The following ULK1 variants were observed in gnomAD, a reference collection of about 807,000 sequenced individuals.
The protein encoded by ULK1 is unc-51 like autophagy activating kinase 1.
In ULK1, 48 loss-of-function variants were observed where a neutral mutation model predicts 117.5. The ratio of observed to expected loss-of-function variants is 0.41; its 90% confidence interval spans 0.32 to 0.52. The LOEUF is 0.52. Among genes scored for constraint, ULK1 ranks in the 20% least tolerant of loss-of-function variants. ULK1 has a pLI of 0.29. For missense variants in ULK1, 1,387 were observed against 1,473.4 expected, an observed-to-expected ratio of 0.94 and a Z score of 0.96; for synonymous variants, 790 against 637.8, an observed-to-expected ratio of 1.24 and a Z score of -3.60.
intron 4 of ULK1, 125 bp downstream of exon 4, chr12:131,907,049 C>A: frequency 1.5e-6 from 2 of 1,314,656 alleles, no homozygotes; most frequent in South Asian, 1.2e-5. Flanking sequence ...GATGGAGTCT[C>A]ACTGTCGCCC....
At chr12:131,911,696 C>A (rs555309541) in intron 12 of ULK1, among the ~76,000 whole-genome samples, 1 of 152,198 alleles carries the variant, frequency 6.6e-6, no homozygotes, top group African/African-American at 2.4e-5. Flanking sequence ...TTCAACCCAC[C>A]CAGGCTGCAT....
chr12:131,918,694 G>A lies in ULK1; in HGVS notation c.2511+13G>A. ...GACCCTCATGGAGGTGAGGGCTGGA[G>A]TGAGCAAAGGTTCCCATTCTGGCTG... On this transcript the variant is annotated intron_variant, in intron 23 of 27. Coordinates refer to ENST00000321867, the MANE Select transcript of ULK1 (RefSeq NM_003565.4). 6.5e-7 allele frequency: 1 copy of A among 1,537,162 alleles called. No homozygotes were observed. Among genetic ancestry groups the A allele is most frequent in the Non-Finnish European group, 8.8e-7 (1 of 1,139,674 alleles).
At chr12:131,918,137 G>A (rs925118745) in intron 22 of ULK1, among the ~76,000 whole-genome samples, 2 of 152,192 alleles carry the variant, frequency 1.3e-5, no homozygotes, top group African/African-American at 4.8e-5. Context: ...CTTGGGCCCA[G>A]CTGTGGGGCA....
intron 7 of ULK1, 68 bp downstream of exon 7, chr12:131,909,039 G>A (rs1889403197): frequency 3.7e-6 from 6 of 1,610,884 alleles, no homozygotes; most frequent in Admixed American, 1.7e-5. Context: ...GTTGGCTGGC[G>A]TGTGGTGCGC....
In ULK1 at chr12:131,911,325, G is replaced by A. The variant is rs1386391153; in HGVS notation, c.948+525G>A. On this transcript the variant is annotated intron_variant, in intron 12 of 27. Transcript: ENST00000321867. The stretch of plus-strand genomic sequence containing the variant: ...TTCATGTCTGGGCTCTCCTGGCCTG[G>A]CCCCCTGCTCTGTGACCAGGGACCG... Among the ~76,000 whole-genome samples the A allele has an allele frequency of 6.8e-4, 104 of 152,160 alleles. 1 individual carries two copies. The highest frequency in any genetic ancestry group is 6.7e-3 in the Admixed American group (103 of 15,282).
rs757987346 is a variant in ULK1, at chr12:131,913,293, G to A, written c.1157+35G>A. On this transcript the variant is annotated intron_variant, in intron 14 of 27. Coordinates refer to ENST00000321867, the MANE Select transcript of ULK1 (RefSeq NM_003565.4). ...CATCCCTTACCTCTGTATTTTAGGG[G>A]AGAGAAACTGTGGCCTTGGAAGTGG... The A allele has an allele frequency of 6.0e-6, 9 of 1,507,100 alleles. No homozygotes were observed. The East Asian group carries it at 1.6e-4, about 26-fold the overall frequency. 93.4% of individuals were successfully genotyped at this position (1,507,100 alleles called of 1,614,324 possible).
chr12:131,907,506 T>C lies in ULK1; in HGVS notation c.291T>C (p.Gly97=). 2 of 1,612,462 alleles carry C rather than the reference T, an allele frequency of 1.2e-6. No homozygotes were observed. The highest frequency in any genetic ancestry group is 2.2e-5 in the East Asian group (1 of 44,840). ...CTGGTCTCTTGCAGTACTGCAACGG[T>C]GGGGACCTGGCCGACTACCTGCACG... ...SVYLVMEYCN[G]GDLADYLHAM... The change falls in exon 5 of 28, where the codon GGT becomes GGC. Residue 97 remains glycine (G), a synonymous_variant. Transcript: ENST00000321867.
Position 131,894,785 on chromosome 12 carries a change from G to C in ULK1, c.-217G>C, listed in dbSNP as rs1888788784. On this transcript the variant is annotated 5_prime_UTR_variant, in exon 1 of 28. Transcript: ENST00000321867. Reference sequence around the variant, plus strand: ...GGAAGAGTGCCGTGGCACAGGCGCCGGAGGGAGCGCGACCCTCGGACCCCG... The same window carrying C: ...GGAAGAGTGCCGTGGCACAGGCGCCCGAGGGAGCGCGACCCTCGGACCCCG... 6.6e-6 allele frequency: 1 copy of C among 150,492 alleles called. No homozygotes were observed. 9.3% of individuals were successfully genotyped at this position (150,492 alleles called of 1,614,324 possible).
chr12:131,909,690 C>T (rs1889440811), intron 8 of ULK1, 85 bp from the exon 9 acceptor site: 4 of 1,376,154 alleles, frequency 2.9e-6, no homozygotes, highest in Non-Finnish European at 2.9e-6. Flanking sequence ...GGGCAGGGGC[C>T]GACTGGGGAC....
At position 131,913,820 on chromosome 12, in the gene ULK1, TC is replaced by T; in HGVS notation, c.1236del (p.Ser413ValfsTer234). 3.2e-6 allele frequency: 5 copies of T among 1,549,824 alleles called. No individual in the cohort carries two copies. The highest frequency in any genetic ancestry group is 4.9e-5 in the East Asian group (2 of 40,938). On this transcript the variant is annotated frameshift_variant, in exon 15 of 28. Coordinates refer to ENST00000321867, the MANE Select transcript of ULK1 (RefSeq NM_003565.4). LOFTEE classifies it high-confidence loss of function. ...TPSPSPPCSS[S>X]PSPSGRAGPF... The stretch of plus-strand genomic sequence containing the variant: ...ATCTCCATCCCCACCCTGCAGCAGC[TC>T]CCCCAGTCCCTCAGGGTAAGCAGGG...
chr12:131,900,525 C>T (rs1388940152), intron 3 of ULK1, among the ~76,000 whole-genome samples: 2 of 152,202 alleles, frequency 1.3e-5, no homozygotes, highest in African/African-American at 2.4e-5. Context: ...TTGCCTGGCC[C>T]CAGGAGTGCG....
intron 3 of ULK1, among the ~76,000 whole-genome samples, chr12:131,899,568 G>A (rs1833242586): frequency 6.6e-6 from 1 of 152,164 alleles, no homozygotes; most frequent in Admixed American, 6.5e-5. Flanking sequence ...ATGGCTCACT[G>A]CAGCCTCGAA....
At chr12:131,917,238 TCGGGTTCGGCTCGGAGGCTGTGGGAC>T in intron 21 of ULK1, among the ~76,000 whole-genome samples, 147 bp from the exon 22 acceptor site, 2 of 75,452 alleles carry the variant, frequency 2.7e-5, no homozygotes, top group African/African-American at 4.9e-5. Context: ...GGGACGGGGG[TCGGGTTCGGCTCGGAGGCTGTGGGAC>T]GGGGGTCGGG....
chr12:131,910,233 C>T (rs1555264465), intron 10 of ULK1, 21 bp from the exon 11 acceptor site: 1 of 1,613,516 alleles, frequency 6.2e-7, no homozygotes, highest in Admixed American at 1.7e-5. Flanking sequence ...CCTGAGGCCT[C>T]ACTCCTCCTT....
rs370168416 is a variant in ULK1 at position 131,921,406 on chromosome 12, A to G, written c.*45A>G. 42 of 1,598,508 alleles carry G rather than the reference A, an allele frequency of 2.6e-5. No individual in the cohort carries two copies. In the African/African-American group the frequency reaches 5.3e-4, roughly 20 times the overall value. On this transcript the variant is annotated 3_prime_UTR_variant, in exon 28 of 28. Transcript: ENST00000321867. ...CCCCCCGTCCTGCCGAGCCCTGCAG[A>G]GTGGGCTCTGTGTGCTGGCTGGACT...
chr12:131,899,046 T>C (rs117776162), intron 3 of ULK1, among the ~76,000 whole-genome samples: 1 of 150,640 alleles, frequency 6.6e-6, no homozygotes, highest in East Asian at 2.0e-4. Flanking sequence ...GCCCGGCTAA[T>C]TTTTGTATTA....
chr12:131,906,086 A>G (rs1889261142), intron 3 of ULK1, among the ~76,000 whole-genome samples: 1 of 150,482 alleles, frequency 6.6e-6, no homozygotes, highest in Non-Finnish European at 1.5e-5. Context: ...GCCAACCTGC[A>G]ATCTGTTGGC....
intron 15 of ULK1, 45 bp downstream of exon 15, chr12:131,913,881 C>A: frequency 1.4e-6 from 2 of 1,431,192 alleles, no homozygotes; most frequent in Non-Finnish European, 1.8e-6. Context: ...TGAACAGTCC[C>A]CCGGCTGGAG....
chr12:131,908,589 T>A, intron 5 of ULK1, 55 bp from the exon 6 acceptor site: 6 of 1,425,034 alleles, frequency 4.2e-6, no homozygotes, highest in Non-Finnish European at 5.5e-6. Flanking sequence ...TGCGCGGGAC[T>A]CACCCCTGGG....
Sources: allele counts gnomAD v4.1 joint callset (sites outside exome capture counted in the v4.1 genomes callset), GRCh38; gene constraint gnomAD v4.1.1; transcripts MANE v1.5; gene names NCBI Gene and HGNC (gene_info 2026-07-23, HGNC 2026-07-21).